Variants in TLN2 observed in about 807,000 individuals in gnomAD.
TLN2 encodes talin 2, also known as talin-2.
Under a neutral mutation model 294.7 loss-of-function variants are expected in TLN2, and 118 were observed. That is an observed-to-expected ratio of 0.40 (90% CI 0.34 to 0.47). TLN2 has a LOEUF of 0.47. TLN2 is among the 20% of genes least tolerant of loss of function. The probability of loss-of-function intolerance (pLI) is 0.84; values close to 1 mark genes in which losing one functional copy is unlikely to be tolerated. For synonymous variants in TLN2, 1,431 were observed against 1,304.5 expected, an observed-to-expected ratio of 1.10 and a Z score of -2.09; for missense variants, 3,083 against 3,282.2, an observed-to-expected ratio of 0.94 and a Z score of 1.48.
At chr15:62,592,594 T>C (rs1200945661) in intron 2 of TLN2, among the ~76,000 whole-genome samples, 2 of 152,240 alleles carry the variant, frequency 1.3e-5, no homozygotes, top group Non-Finnish European at 2.9e-5. Flanking sequence ...GGAGGAGCTT[T>C]TATTTTGACA....
chr15:62,790,359 T>C (rs2064993094), intron 45 of TLN2, among the ~76,000 whole-genome samples: 1 of 152,222 alleles, frequency 6.6e-6, no homozygotes, highest in South Asian at 2.1e-4. Context: ...GTTCTGCTGC[T>C]AAGTCGAAAA....
intron 3 of TLN2, among the ~76,000 whole-genome samples, chr15:62,623,759 A>T (rs2049034434): frequency 6.6e-6 from 1 of 152,134 alleles, no homozygotes; most frequent in South Asian, 2.1e-4. Context: ...CTTTGGTTTT[A>T]CTGTTTCTTT....
intron 1 of TLN2, among the ~76,000 whole-genome samples, chr15:62,444,989 T>C (rs1018142802): frequency 6.6e-6 from 1 of 152,172 alleles, no homozygotes; most frequent in African/African-American, 2.4e-5. Flanking sequence ...TTTAACAAAA[T>C]TACAGTTATT....
At chr15:62,638,624 A>T (rs2050651060) in intron 3 of TLN2, 1 of 455,850 alleles carries the variant, frequency 2.2e-6, no homozygotes, top group African/African-American at 2.0e-5. Context: ...TTCACCTGAA[A>T]ATGGAAAATA....
chr15:62,547,081 A>G (rs1472511775), intron 1 of TLN2, among the ~76,000 whole-genome samples: 3 of 152,222 alleles, frequency 2.0e-5, no homozygotes, highest in Admixed American at 2.0e-4. Flanking sequence ...GCTATTCCTT[A>G]TGAAGGGAGG....
chr15:62,787,503 T>A (rs2141101339), intron 45 of TLN2, among the ~76,000 whole-genome samples: 1 of 152,256 alleles, frequency 6.6e-6, no homozygotes, highest in East Asian at 1.9e-4. Flanking sequence ...AAAAAAGAAT[T>A]GAGGGTTTTT....
intron 1 of TLN2, among the ~76,000 whole-genome samples, chr15:62,546,753 A>T (rs1429879821): frequency 6.6e-6 from 1 of 152,166 alleles, no homozygotes; most frequent in Non-Finnish European, 1.5e-5. Flanking sequence ...GAGCAAGGGG[A>T]GCTTTGAGAT....
intron 1 of TLN2, among the ~76,000 whole-genome samples, chr15:62,488,158 T>A (rs776711875): frequency 6.6e-6 from 1 of 152,030 alleles, no homozygotes; most frequent in Non-Finnish European, 1.5e-5. Context: ...ATAGAGAAAA[T>A]GGTACTTTGT....
At chr15:62,404,147 T>C (rs2033229554) in intron 1 of TLN2, among the ~76,000 whole-genome samples, 1 of 152,188 alleles carries the variant, frequency 6.6e-6, no homozygotes. Context: ...CATGGTGCAG[T>C]ATTTTTAGGT....
rs756062365 is a variant in TLN2, at chr15:62,838,894, T to C, written c.7413T>C (p.Leu2471=). Residue 2471 remains leucine, a synonymous_variant, in exon 58 of 59, where the codon CTT becomes CTC. Transcript: ENST00000636159. ...CTGTGAAAAGAGCCTCAGACAATCT[T>C]GTCCGTGCAGCCCAGAAGGCAGCTT... The part of the protein sequence containing the change: ...GNAVKRASDN[L]VRAAQKAAFG... The C allele has an allele frequency of 1.2e-6, 2 of 1,611,428 alleles. No individual in the cohort carries two copies. Among genetic ancestry groups the C allele is most frequent in the East Asian group, 4.5e-5 (2 of 44,882 alleles).
At chr15:62,640,142 T>C (rs1215155951) in intron 3 of TLN2, 1 of 455,160 alleles carries the variant, frequency 2.2e-6, no homozygotes, top group South Asian at 1.5e-5. Context: ...TGTGACCCAG[T>C]GCATGGTGGG....
intron 22 of TLN2, 60 bp from the exon 23 acceptor site, chr15:62,716,271 G>A: frequency 3.5e-6 from 5 of 1,448,326 alleles, no homozygotes; most frequent in Non-Finnish European, 4.6e-6. Flanking sequence ...AATACTGAAG[G>A]CATGAATTCA....
chr15:62,587,663 G>C (rs1467826291), intron 1 of TLN2, among the ~76,000 whole-genome samples: 2 of 152,100 alleles, frequency 1.3e-5, no homozygotes, highest in African/African-American at 4.8e-5. Flanking sequence ...CCATCTCCCT[G>C]CTTCCATAAT....
intron 1 of TLN2, among the ~76,000 whole-genome samples, chr15:62,539,689 G>C (rs995667024): frequency 7.2e-5 from 11 of 152,156 alleles, no homozygotes; most frequent in Admixed American, 7.2e-4. Flanking sequence ...CATTATCTCA[G>C]GTGAACCACT....
Position 62,652,048 on chromosome 15 carries a change from G to A in TLN2, c.278G>A (p.Arg93Gln), listed in dbSNP as rs759466153. ...YKKKQRPQKI[R>Q]MLDGSVKTVM... ...AAGAAACAGAGACCTCAGAAAATCC[G>A]GATGCTGGATGGATCTGTGAAGACA... Residue 93 changes from arginine (R) to glutamine (Q), a missense_variant, in exon 6 of 59, where the codon CGG becomes CAG. Coordinates refer to ENST00000636159, the MANE Select transcript of TLN2 (RefSeq NM_015059.3). The A allele has an allele frequency of 1.2e-5, 19 of 1,611,404 alleles. No homozygotes were observed. The highest frequency in any genetic ancestry group is 3.3e-5 in the South Asian group (3 of 90,562).
At chr15:62,580,913 C>T (rs1312877602) in intron 1 of TLN2, among the ~76,000 whole-genome samples, 22 of 139,762 alleles carry the variant, frequency 1.6e-4, no homozygotes, top group African/African-American at 8.0e-5. Flanking sequence ...GACAGAGTTT[C>T]GGTCTTGTTG....
Position 62,797,215 on chromosome 15 carries a change from T to C in TLN2, c.6051-4T>C, listed in dbSNP as rs780000693. The C allele has an allele frequency of 1.2e-6, 2 of 1,614,036 alleles. No individual in the cohort carries two copies. The highest frequency in any genetic ancestry group is 4.5e-5 in the East Asian group (2 of 44,864). On this transcript the variant is annotated splice_polypyrimidine_tract_variant and splice_region_variant and intron_variant, in intron 47 of 58. Coordinates refer to ENST00000636159, the MANE Select transcript of TLN2 (RefSeq NM_015059.3). ...CCTCTCCCCTGCCCTCCTGGCTCTCTCAGGGAGAACATTCTCAAGACGGCC... is the reference window on the plus strand; with the variant it reads ...CCTCTCCCCTGCCCTCCTGGCTCTCCCAGGGAGAACATTCTCAAGACGGCC...
intron 1 of TLN2, among the ~76,000 whole-genome samples, chr15:62,572,126 C>A (rs1346635131): frequency 6.6e-6 from 1 of 152,220 alleles, no homozygotes; most frequent in East Asian, 1.9e-4. Context: ...TAGCTTGACA[C>A]TGGGCATAGC....
intron 5 of TLN2, among the ~76,000 whole-genome samples, chr15:62,651,751 A>T (rs911975635): frequency 3.3e-5 from 5 of 152,322 alleles, no homozygotes; most frequent in Non-Finnish European, 5.9e-5. Flanking sequence ...GAATGTAAGT[A>T]AATGAAATGC....
Sources: gnomAD v4.1 joint callset for allele counts (sites outside exome capture counted in the v4.1 genomes callset) on GRCh38, gnomAD v4.1.1 for gene constraint, MANE v1.5 for transcripts, NCBI Gene and HGNC (gene_info 2026-07-23, HGNC 2026-07-21) for gene names.